Variants in TTC7A observed in about 807,000 individuals in gnomAD.
TTC7A encodes tetratricopeptide repeat protein 7A.
In TTC7A, 110 loss-of-function variants were observed where a neutral mutation model predicts 103.7. The ratio of observed to expected loss-of-function variants is 1.06; its 90% CI spans 0.91 to 1.24. The LOEUF (loss-of-function observed/expected upper bound fraction) is 1.24, where lower values mean the gene tolerates loss of function less well. Among genes scored for constraint, TTC7A ranks in the 50% most tolerant of loss-of-function variants. The probability of loss-of-function intolerance (pLI) is 0.00; values close to 1 mark genes in which losing one functional copy is unlikely to be tolerated. For synonymous variants in TTC7A, 521 were observed against 467.9 expected (o/e 1.11, Z -1.47); for missense variants, 1,340 against 1,116.3 (o/e 1.20, Z -2.86).
chr2:47,072,086 GGGGTCTGGCCCTT>G lies in TTC7A; in HGVS notation c.2356-1607_2356-1595del, dbSNP rs553808148. 3.4e-3 allele frequency among the ~76,000 whole-genome samples: 522 copies of G among 152,320 alleles called. 1 individual carries two copies. The highest frequency in any genetic ancestry group is 0.012 in the African/African-American group (507 of 41,582). ...GGGCCGTGTTCCATTGTGAGCTGCT[GGGGTCTGGCCCTT>G]GGGTCTGGTGTGGGTGGAACAGCTA... On this transcript the variant is annotated intron_variant, in intron 19 of 19. Transcript: ENST00000319190.
In TTC7A at chr2:47,023,728, G is replaced by A. The variant is rs9677108; in HGVS notation, c.1568+263G>A. ...GGCTCAGGGGTCTAAAATGGGTATA[G>A]TAACCCATTGCTGTTGTAGTAATTA... is the stretch of plus-strand genomic sequence containing the variant. On this transcript the variant is annotated intron_variant, in intron 13 of 19. Coordinates refer to ENST00000319190, the MANE Select transcript of TTC7A (RefSeq NM_020458.4). Among the ~76,000 whole-genome samples the A allele has an allele frequency of 2.0e-3, 312 of 152,248 alleles. 1 individual carries two copies. Among genetic ancestry groups the A allele is most frequent in the African/African-American group, 7.0e-3 (292 of 41,524 alleles).
chr2:47,044,240 T>A (rs1346652733), intron 15 of TTC7A, among the ~76,000 whole-genome samples: 2 of 152,360 alleles, frequency 1.3e-5, no homozygotes, highest in Non-Finnish European at 2.9e-5. Context: ...TTCCTGTTTC[T>A]TCCCCTGTAC....
At chr2:47,004,435 G>C (rs1343396333) in intron 8 of TTC7A, among the ~76,000 whole-genome samples, 3 of 152,200 alleles carry the variant, frequency 2.0e-5, no homozygotes, top group African/African-American at 7.2e-5. Flanking sequence ...GAGCAGTCCT[G>C]CCCAAGGGAA....
intron 18 of TTC7A, among the ~76,000 whole-genome samples, chr2:47,056,697 C>T (rs185431710): frequency 1.8e-4 from 28 of 151,990 alleles, no homozygotes; most frequent in Non-Finnish European, 3.4e-4. Context: ...TGTAGCCTGC[C>T]GAGAGAAAGC....
chr2:46,975,095 T>G lies in TTC7A; in HGVS notation c.640T>G (p.Leu214Val). 6.2e-7 allele frequency: 1 copy of G among 1,613,664 alleles called. No individual in the cohort carries two copies. ...GATCGCTCAGGTGTTCCTGCAGGAA[T>G]TGGAGAAGGTGAGCTGGAAATAACA... ...SWIAQVFLQE[L>V]EKTTNNSTSR... is the part of the protein sequence containing the mutation. Residue 214 changes from leucine (L) to valine (V), a missense_variant, in exon 4 of 20, where the codon TTG (leucine) becomes GTG (valine). Physicochemically the swap from Leu to Val is conservative, Grantham distance 32 (BLOSUM62 1). Transcript: ENST00000319190.
At chr2:47,004,308 A>G (rs1056090270) in intron 8 of TTC7A, among the ~76,000 whole-genome samples, 1 of 152,112 alleles carries the variant, frequency 6.6e-6, no homozygotes, top group Non-Finnish European at 1.5e-5. Flanking sequence ...TTTGGCTTCC[A>G]GAGGCTTCTG....
rs556589534 is a variant in TTC7A at position 47,072,353 on chromosome 2, C to G, written c.2356-1349C>G. Reference sequence around the variant, plus strand: ...CTGTGAGGACAGCCTCTTCCTCCCCCGCCCCCTGGCCGCAAGATCTCCAGC... The same window carrying G: ...CTGTGAGGACAGCCTCTTCCTCCCCGGCCCCCTGGCCGCAAGATCTCCAGC... On this transcript the variant is annotated intron_variant, in intron 19 of 19. Coordinates refer to ENST00000319190, the MANE Select transcript of TTC7A (RefSeq NM_020458.4). Among the ~76,000 whole-genome samples, 10 of 152,354 alleles carry G rather than the reference C, an allele frequency of 6.6e-5. No homozygotes were observed. In the East Asian group the frequency reaches 1.4e-3, roughly 21 times the overall value.
chr2:47,038,703 C>T (rs7563297), intron 15 of TTC7A, among the ~76,000 whole-genome samples: 14,625 of 133,746 alleles, frequency 0.11, 850 homozygotes, highest in African/African-American at 0.15. Context: ...CAGAGGGATC[C>T]GGAATTGCTG....
At chr2:46,939,078 C>T (rs879595935), upstream of TTC7A, among the ~76,000 whole-genome samples, 8 of 150,990 alleles carry the variant, frequency 5.3e-5, no homozygotes, top group Non-Finnish European at 1.0e-4. Flanking sequence ...GAGTTTAAGA[C>T]CAGCCTGGGC....
intron 3 of TTC7A, among the ~76,000 whole-genome samples, chr2:46,959,365 C>G (rs761874353): frequency 1.3e-5 from 2 of 152,192 alleles, no homozygotes; most frequent in African/African-American, 2.4e-5. Context: ...TAGGCCATGG[C>G]TTGACTCCAT....
intron 19 of TTC7A, among the ~76,000 whole-genome samples, chr2:47,071,529 G>T (rs1684714647): frequency 6.6e-6 from 1 of 152,198 alleles, no homozygotes; most frequent in African/African-American, 2.4e-5. Context: ...CCTCACAAGA[G>T]CCCCGCGAGG....
chr2:47,057,517 C>G (rs535451749), intron 18 of TTC7A, among the ~76,000 whole-genome samples: 1 of 152,282 alleles, frequency 6.6e-6, no homozygotes, highest in South Asian at 2.1e-4. Context: ...AAGGGAGGGA[C>G]AAGGGGCAGC....
chr2:46,982,383 A>T (rs1485495800), intron 5 of TTC7A, among the ~76,000 whole-genome samples: 3 of 152,062 alleles, frequency 2.0e-5, no homozygotes, highest in Non-Finnish European at 4.4e-5. Flanking sequence ...CAAGAAAAAA[A>T]AAAAAGAATA....
In TTC7A at chr2:47,075,476, G is replaced by T. The variant is rs1685146649; in HGVS notation, c.*1553G>T. Reference sequence around the variant, plus strand: ...TTTCCTGACTTTTAAGCATTTCCTTGTTGGAAGCAGCAGAGGGCCAGGCCA... The same window carrying T: ...TTTCCTGACTTTTAAGCATTTCCTTTTTGGAAGCAGCAGAGGGCCAGGCCA... On this transcript the variant is annotated 3_prime_UTR_variant, in exon 20 of 20. Transcript: ENST00000319190. The T allele has an allele frequency of 2.0e-5, 3 of 152,166 alleles. No homozygotes were observed. The highest frequency in any genetic ancestry group is 2.0e-4 in the Admixed American group (3 of 15,272). The allele number at this position is 152,166 out of a possible 1,614,324, so 9.4% of individuals were successfully genotyped here. A position where few individuals can be genotyped will look rare whatever the true frequency, so the allele number is the denominator to read the frequency against.
At chr2:46,931,223 C>T (rs1374473901) in intron 2 of TTC7A, among the ~76,000 whole-genome samples, 2 of 152,192 alleles carry the variant, frequency 1.3e-5, no homozygotes, top group Non-Finnish European at 2.9e-5. Flanking sequence ...GGATTATAGG[C>T]ATATACCATC....
intron 2 of TTC7A, among the ~76,000 whole-genome samples, chr2:46,929,389 A>C (rs2103834314): frequency 6.6e-6 from 1 of 152,164 alleles, no homozygotes; most frequent in South Asian, 2.1e-4. Flanking sequence ...TGGGAGGCTG[A>C]GGCAGGATTG....
At chr2:46,976,527 G>C (rs189004737) in intron 4 of TTC7A, among the ~76,000 whole-genome samples, 8 of 152,360 alleles carry the variant, frequency 5.3e-5, no homozygotes, top group Admixed American at 6.5e-5. Flanking sequence ...TTCCTTGGCA[G>C]ATGCCAAAAT....
chr2:46,927,309 T>C (rs894097796), intron 2 of TTC7A, among the ~76,000 whole-genome samples: 2 of 150,536 alleles, frequency 1.3e-5, no homozygotes, highest in African/African-American at 4.9e-5. Context: ...AATAAGTCTG[T>C]AGAAAACCAA....
In TTC7A at chr2:47,007,706, G is replaced by A. The variant is rs1203789285; in HGVS notation, c.1287+982G>A. ...TGGCAGGGAGGGGGAAGAGGAGCAG[G>A]TGCTGCAGCCTGAGTGCGGGGAGAG... On this transcript the variant is annotated intron_variant, in intron 10 of 19. Coordinates refer to ENST00000319190, the MANE Select transcript of TTC7A (RefSeq NM_020458.4). The surrounding 1 kb of genome is among the most constrained non-coding windows in gnomAD (Gnocchi z 4.9). Among the ~76,000 whole-genome samples the A allele has an allele frequency of 6.6e-6, 1 of 152,212 alleles. No individual in the cohort carries two copies. The highest frequency in any genetic ancestry group is 2.4e-5 in the African/African-American group (1 of 41,456).
Sources: gnomAD v4.1 joint callset for allele counts (sites outside exome capture counted in the v4.1 genomes callset) on GRCh38, gnomAD v4.1.1 for gene constraint, Gnocchi (gnomAD v3.1) non-coding constraint, MANE v1.5 for transcripts, NCBI Gene and HGNC (gene_info 2026-07-23, HGNC 2026-07-21) for gene names.